SRSF11: variants seen among roughly 807,000 people sequenced by gnomAD.
The protein encoded by SRSF11 is serine and arginine rich splicing factor 11.
SRSF11 carries 9 observed loss-of-function variants against 56.0 expected under a neutral mutation model. The ratio of observed to expected loss-of-function variants is 0.16; its 90% CI spans 0.10 to 0.28. The LOEUF is 0.28. Ranked by LOEUF, SRSF11 falls within the 10% of genes least tolerant of loss-of-function variation. SRSF11 has a pLI of 1.00. For missense variants in SRSF11, 421 were observed against 600.7 expected (o/e 0.70, Z 3.13); for synonymous variants, 222 against 215.3 (o/e 1.03, Z -0.27).
upstream of SRSF11, among the ~76,000 whole-genome samples, chr1:70,217,961 G>T (rs1265474468): frequency 1.4e-5 from 2 of 147,416 alleles, no homozygotes; most frequent in Non-Finnish European, 3.0e-5. Context: ...ACAGGGGTGG[G>T]TTTTTTTTGT....
intron 1 of SRSF11, among the ~76,000 whole-genome samples, chr1:70,212,945 G>C (rs186065356): frequency 2.6e-5 from 4 of 151,968 alleles, no homozygotes; most frequent in Non-Finnish European, 4.4e-5. Context: ...CCAGCTACTG[G>C]GGGGGTGGGG....
chr1:70,229,986 T>G, intron 2 of SRSF11: 1 of 985,272 alleles, frequency 1.0e-6, no homozygotes, highest in Non-Finnish European at 1.2e-6. Flanking sequence ...CAACAGAAAA[T>G]TTACAGAATT....
chr1:70,209,753 T>C (rs1669383286), intron 1 of SRSF11, among the ~76,000 whole-genome samples: 1 of 109,458 alleles, frequency 9.1e-6, no homozygotes, highest in East Asian at 2.7e-4. Flanking sequence ...TTTTTTTTTT[T>C]TTTTTTTTTT....
intron 9 of SRSF11, 32 bp downstream of exon 9, chr1:70,246,939 T>G (rs1326717272): frequency 2.6e-6 from 4 of 1,545,922 alleles, no homozygotes; most frequent in Non-Finnish European, 3.5e-6. Flanking sequence ...TTGGCAATTA[T>G]TTTTTTAACT....
intron 5 of SRSF11, among the ~76,000 whole-genome samples, chr1:70,235,833 C>T (rs1009208339): frequency 1.3e-5 from 2 of 152,194 alleles, no homozygotes; most frequent in African/African-American, 4.8e-5. Flanking sequence ...AGATCAGAGG[C>T]TGAGTCCTGA....
rs1186444497 is a variant in SRSF11 at position 70,239,435 on chromosome 1, A to G, written c.719-4A>G. On this transcript the variant is annotated splice_region_variant and splice_polypyrimidine_tract_variant and intron_variant, in intron 6 of 11. Transcript: ENST00000370949. ...AATGCAGGTTCCTTTTCTTTTAAAT[A>G]TAGATAAGAAAGAAGAAAAAAGAAG... 16 of 1,593,314 alleles carry G rather than the reference A, an allele frequency of 1.0e-5. No homozygotes were observed. Among genetic ancestry groups the G allele is most frequent in the African/African-American group, 1.4e-5 (1 of 73,240 alleles).
At chr1:70,234,615 C>G (rs1414057884) in intron 3 of SRSF11, 81 bp from the exon 4 acceptor site, 2 of 1,127,500 alleles carry the variant, frequency 1.8e-6, no homozygotes, top group Non-Finnish European at 2.5e-6. Context: ...GTTATCTGAC[C>G]CTTTACATTA....
intron 7 of SRSF11, among the ~76,000 whole-genome samples, chr1:70,243,949 G>T (rs1344415100): frequency 6.6e-6 from 1 of 152,098 alleles, no homozygotes; most frequent in Non-Finnish European, 1.5e-5. Flanking sequence ...GGTTAATTGT[G>T]CTTCTTAGTC....
chr1:70,213,916 G>A (rs1374411988), intron 1 of SRSF11, among the ~76,000 whole-genome samples: 2 of 152,088 alleles, frequency 1.3e-5, no homozygotes, highest in Admixed American at 6.5e-5. Flanking sequence ...ATTGAAGGTC[G>A]TTTTAAAAGC....
intron 7 of SRSF11, among the ~76,000 whole-genome samples, chr1:70,243,088 T>C (rs916300128): frequency 6.6e-6 from 1 of 152,064 alleles, no homozygotes; most frequent in African/African-American, 2.4e-5. Context: ...CTATGGGTTT[T>C]GAGGCAGTTG....
rs756119773 is a variant in SRSF11 at position 70,250,602 on chromosome 1, G to T, written c.1258-6G>T. On this transcript the variant is annotated splice_polypyrimidine_tract_variant and splice_region_variant and intron_variant, in intron 11 of 11. Transcript: ENST00000370949. ...AAGTTTACTTTTATTATTCTCCTTG[G>T]CAAAGCAGGTTACACGGGATTATGA... The T allele has an allele frequency of 6.2e-7, 1 of 1,612,536 alleles. No homozygotes were observed. The highest frequency in any genetic ancestry group is 8.5e-7 in the Non-Finnish European group (1 of 1,179,588).
intron 7 of SRSF11, among the ~76,000 whole-genome samples, chr1:70,242,352 C>CCA (rs1265178748): frequency 6.6e-6 from 1 of 151,392 alleles, no homozygotes; most frequent in Non-Finnish European, 1.5e-5. Flanking sequence ...GTAACCCTCA[C>CCA]CACACACACA....
chr1:70,242,685 C>A (rs1264250469), intron 7 of SRSF11, among the ~76,000 whole-genome samples: 1 of 152,114 alleles, frequency 6.6e-6, no homozygotes, highest in Non-Finnish European at 1.5e-5. Context: ...AAATATGTTA[C>A]ACTAATCTCT....
upstream of SRSF11, among the ~76,000 whole-genome samples, chr1:70,218,061 T>C (rs1047675832): frequency 6.6e-6 from 1 of 152,136 alleles, no homozygotes; most frequent in African/African-American, 2.4e-5. Flanking sequence ...GCGATCTCGG[T>C]TCACGCCATT....
At chr1:70,240,530 T>TA (rs1334571448) in intron 7 of SRSF11, among the ~76,000 whole-genome samples, 1 of 152,208 alleles carries the variant, frequency 6.6e-6, no homozygotes, top group Non-Finnish European at 1.5e-5. Flanking sequence ...AAAAGGGTCT[T>TA]AGAGCATCCA....
At chr1:70,232,116 AAAT>A (rs373277510) in intron 2 of SRSF11, 149 bp from the exon 3 acceptor site, 10 of 1,549,276 alleles carry the variant, frequency 6.5e-6, no homozygotes, top group African/African-American at 2.7e-5. Context: ...AATTAATGAT[AAAT>A]AATCATAGAA....
intron 9 of SRSF11, among the ~76,000 whole-genome samples, chr1:70,247,301 G>A (rs1025361261): frequency 2.6e-5 from 4 of 152,034 alleles, no homozygotes; most frequent in African/African-American, 7.2e-5. Flanking sequence ...GAATTAATGG[G>A]AAGCAATGCA....
At chr1:70,244,599 CCG>C in intron 7 of SRSF11, 83 bp from the exon 8 acceptor site, 1 of 1,438,750 alleles carries the variant, frequency 7.0e-7, no homozygotes, top group Non-Finnish European at 9.5e-7. Context: ...GTCCATATGT[CCG>C]AATCTTTTGT....
intron 1 of SRSF11, among the ~76,000 whole-genome samples, chr1:70,213,039 C>T (rs1669706711): frequency 6.6e-6 from 1 of 151,978 alleles, no homozygotes; most frequent in Admixed American, 6.6e-5. Flanking sequence ...GGTGACAGAA[C>T]AAGACCCTGC....
Sources: gnomAD v4.1 joint callset for allele counts (sites outside exome capture counted in the v4.1 genomes callset) on GRCh38, gnomAD v4.1.1 for gene constraint, MANE v1.5 for transcripts, NCBI Gene and HGNC (gene_info 2026-07-23, HGNC 2026-07-21) for gene names.